The following ZBTB7C variants were observed in gnomAD, a reference collection of about 807,000 sequenced individuals.
ZBTB7C encodes the protein zinc finger and BTB domain containing 7C, also known as zinc finger and BTB domain-containing protein 7C.
ZBTB7C carries 8 observed loss-of-function variants against 25.7 expected under a neutral mutation model. That is an observed-to-expected ratio of 0.31 (90% CI 0.18 to 0.56). The LOEUF (loss-of-function observed/expected upper bound fraction) is 0.56, where lower values mean the gene tolerates loss of function less well. Ranked by LOEUF, ZBTB7C falls within the 20% of genes least tolerant of loss-of-function variation. The probability of loss-of-function intolerance (pLI) is 0.91; values close to 1 mark genes in which losing one functional copy is unlikely to be tolerated. For synonymous variants in ZBTB7C, 394 were observed against 369.0 expected (o/e 1.07, Z -0.78); for missense variants, 824 against 855.2 (o/e 0.96, Z 0.46).
intron 3 of ZBTB7C, among the ~76,000 whole-genome samples, chr18:48,119,625 A>T (rs897317579): frequency 6.6e-6 from 1 of 152,146 alleles, no homozygotes; most frequent in Admixed American, 6.5e-5. Context: ...ATCATAGTTC[A>T]TGTGTAACAG....
At chr18:48,163,653 C>G (rs2041147270) in intron 3 of ZBTB7C, among the ~76,000 whole-genome samples, 1 of 152,206 alleles carries the variant, frequency 6.6e-6, no homozygotes. Flanking sequence ...AAAGGACTTG[C>G]CCAAATTCAT....
intron 3 of ZBTB7C, among the ~76,000 whole-genome samples, chr18:48,044,729 A>T (rs2036400481): frequency 1.3e-5 from 2 of 152,348 alleles, no homozygotes; most frequent in Non-Finnish European, 2.9e-5. Context: ...CATGAAACGA[A>T]CTGGGAGGAT....
chr18:48,095,232 A>G (rs1476257168), intron 3 of ZBTB7C, among the ~76,000 whole-genome samples: 3 of 152,296 alleles, frequency 2.0e-5, no homozygotes, highest in Admixed American at 1.3e-4. Flanking sequence ...AGGCAGTTCC[A>G]TGGCAAGCAC....
At chr18:48,367,942 T>C (rs9967403) in intron 1 of ZBTB7C, among the ~76,000 whole-genome samples, 39,868 of 148,900 alleles carry the variant, frequency 0.27, 5,639 homozygotes, top group African/African-American at 0.35. Context: ...AGTAATAACA[T>C]GGTGCCCCCA....
At chr18:48,252,180 G>A (rs904418695) in intron 2 of ZBTB7C, 3 of 152,208 alleles carry the variant, frequency 2.0e-5, no homozygotes, top group African/African-American at 7.2e-5. Flanking sequence ...GAAGAACTGG[G>A]AGACTGCGTT....
At chr18:48,170,492 A>G (rs1390544827) in intron 3 of ZBTB7C, among the ~76,000 whole-genome samples, 1 of 152,170 alleles carries the variant, frequency 6.6e-6, no homozygotes, top group Non-Finnish European at 1.5e-5. Flanking sequence ...GAACACAAAG[A>G]AAGTTCCCAC....
intron 2 of ZBTB7C, among the ~76,000 whole-genome samples, chr18:48,294,186 G>A (rs542498108): frequency 1.3e-5 from 2 of 152,214 alleles, no homozygotes; most frequent in African/African-American, 4.8e-5. Flanking sequence ...ATCAGCAGGT[G>A]CGTGTGCACA....
chr18:48,395,106 CA>C, intron 1 of ZBTB7C, among the ~76,000 whole-genome samples: 1 of 152,062 alleles, frequency 6.6e-6, no homozygotes, highest in East Asian at 1.9e-4. Flanking sequence ...GATTCTCCAG[CA>C]TGACAACAAA....
intron 2 of ZBTB7C, among the ~76,000 whole-genome samples, chr18:48,231,806 G>A (rs555226490): frequency 3.3e-5 from 5 of 152,246 alleles, no homozygotes; most frequent in African/African-American, 4.8e-5. Context: ...CTGAGCCAGG[G>A]CTGTGACACC....
At chr18:48,147,366 C>A (rs996145723) in intron 3 of ZBTB7C, among the ~76,000 whole-genome samples, 1 of 152,122 alleles carries the variant, frequency 6.6e-6, no homozygotes, top group African/African-American at 2.4e-5. Context: ...GCGTGAGCTA[C>A]CGCACCCAGC....
chr18:48,274,947 C>T (rs918479417), intron 2 of ZBTB7C, among the ~76,000 whole-genome samples: 5 of 152,196 alleles, frequency 3.3e-5, no homozygotes, highest in Admixed American at 3.3e-4. Context: ...CAACACACAC[C>T]CAGCCCTGGT....
chr18:48,060,818 G>A (rs2037098882), intron 3 of ZBTB7C, among the ~76,000 whole-genome samples: 2 of 152,192 alleles, frequency 1.3e-5, no homozygotes, highest in Admixed American at 1.3e-4. Flanking sequence ...AGGAGAAATA[G>A]CTCTGGGGTG....
rs9952083 is a variant in ZBTB7C, at chr18:48,307,055, A to G, written c.-79+31119T>C. On this transcript the variant is annotated intron_variant, in intron 2 of 4. Coordinates refer to ENST00000590800, the MANE Select transcript of ZBTB7C (RefSeq NM_001318841.2). ...AGGAATCTCATGCCTGGCATGAGAA[A>G]CAAATGAGGGGCTTTACTGTCCCTG... Among the ~76,000 whole-genome samples, 983 of 152,266 alleles carry G rather than the reference A, an allele frequency of 6.5e-3. 9 individuals are homozygous for G. Among genetic ancestry groups the G allele is most frequent in the African/African-American group, 0.023 (941 of 41,550 alleles).
At chr18:48,165,809 G>A (rs1411819350) in intron 3 of ZBTB7C, among the ~76,000 whole-genome samples, 3 of 152,188 alleles carry the variant, frequency 2.0e-5, no homozygotes, top group African/African-American at 4.8e-5. Flanking sequence ...TCTGTGACCA[G>A]CACACATATT....
intron 1 of ZBTB7C, among the ~76,000 whole-genome samples, chr18:48,367,174 T>TC (rs1568403759): frequency 0.014 from 417 of 30,212 alleles, 19 homozygotes; most frequent in African/African-American, 0.058. Context: ...CTCCCCAAGT[T>TC]TTATATATAT....
At chr18:48,089,908 AG>A (rs1426561861) in intron 3 of ZBTB7C, among the ~76,000 whole-genome samples, 2 of 152,232 alleles carry the variant, frequency 1.3e-5, no homozygotes, top group Non-Finnish European at 2.9e-5. Flanking sequence ...CCGATCACGC[AG>A]GGTTGACACT....
chr18:48,309,830 C>T lies in ZBTB7C; in HGVS notation c.-79+28344G>A, dbSNP rs8091171. Among the ~76,000 whole-genome samples, 899 of 152,312 alleles carry T rather than the reference C, an allele frequency of 5.9e-3. 7 individuals are homozygous for T. The highest frequency in any genetic ancestry group is 0.02 in the African/African-American group (825 of 41,568). ...ACCAAATACTCTAGTTGGTCAACTTCAAGCTTCAGTAGTTTCTCCCCTAGG... is the reference window on the plus strand; with the variant it reads ...ACCAAATACTCTAGTTGGTCAACTTTAAGCTTCAGTAGTTTCTCCCCTAGG... On this transcript the variant is annotated intron_variant, in intron 2 of 4. Transcript: ENST00000590800.
chr18:48,400,617 C>T (rs1055651283), intron 1 of ZBTB7C, among the ~76,000 whole-genome samples: 3 of 152,190 alleles, frequency 2.0e-5, no homozygotes, highest in African/African-American at 7.2e-5. Context: ...AACCTGTGTC[C>T]TGGGTTCACT....
At chr18:48,222,181 C>A (rs561778564) in intron 2 of ZBTB7C, among the ~76,000 whole-genome samples, 2 of 151,954 alleles carry the variant, frequency 1.3e-5, no homozygotes, top group South Asian at 4.2e-4. Flanking sequence ...CCCTGGTGTC[C>A]CTGCTGCACC....
Sources: gnomAD v4.1 joint callset for allele counts (sites outside exome capture counted in the v4.1 genomes callset) on GRCh38, gnomAD v4.1.1 for gene constraint, MANE v1.5 for transcripts, NCBI Gene and HGNC (gene_info 2026-07-23, HGNC 2026-07-21) for gene names.